The following EPB41L1 variants were observed in gnomAD, a reference collection of about 807,000 sequenced individuals.
The protein encoded by EPB41L1 is band 4.1-like protein 1.
A neutral mutation model predicts 97.8 loss-of-function variants in EPB41L1; 29 were observed. That is an observed-to-expected ratio of 0.30 (90% CI 0.22 to 0.40). The LOEUF (loss-of-function observed/expected upper bound fraction) is 0.40. EPB41L1 is among the 10% of genes least tolerant of loss of function. The pLI is 1.00. For missense variants in EPB41L1, 812 were observed against 1,162.3 expected (o/e 0.70, Z 4.38); for synonymous variants, 383 against 459.2 (o/e 0.83, Z 2.12).
intron 1 of EPB41L1, among the ~76,000 whole-genome samples, chr20:36,099,100 C>A (rs910561830): frequency 6.6e-6 from 1 of 152,056 alleles, no homozygotes; most frequent in Non-Finnish European, 1.5e-5. Context: ...ACCTGGGAGG[C>A]GGACATTGCA....
chr20:36,154,864 C>G lies in EPB41L1; in HGVS notation c.-47C>G, dbSNP rs1463501586. ...GGAGCCGAGGGGGCCGCCCCTCGCC[C>G]AACCTGCCCGACATGGGGAACCCCG... On this transcript the variant is annotated 5_prime_UTR_variant, in exon 1 of 22. Coordinates refer to ENST00000338074, the MANE Select transcript of EPB41L1 (RefSeq NM_012156.2). The surrounding 1 kb of genome is among the most constrained non-coding windows in gnomAD (Gnocchi z 5.5). 11 of 1,015,520 alleles carry G rather than the reference C, an allele frequency of 1.1e-5. No individual in the cohort carries two copies. Among genetic ancestry groups the G allele is most frequent in the Non-Finnish European group, 1.3e-5 (11 of 848,402 alleles). The allele number at this position is 1,015,520 out of a possible 1,614,324, so 62.9% of individuals were successfully genotyped here.
chr20:36,223,201 T>C (rs1319027414), intron 21 of EPB41L1, among the ~76,000 whole-genome samples: 1 of 152,174 alleles, frequency 6.6e-6, no homozygotes, highest in African/African-American at 2.4e-5. Flanking sequence ...CCCAGCCTAA[T>C]TTTTATATTT....
chr20:36,214,492 A>G (rs1402240592), intron 17 of EPB41L1, 52 bp downstream of exon 17: 2 of 1,460,798 alleles, frequency 1.4e-6, no homozygotes, highest in Admixed American at 3.6e-5. Flanking sequence ...TGCCCCACCA[A>G]ACAGCCAGAG....
At chr20:36,177,828 C>G (rs1354096859) in intron 3 of EPB41L1, 124 bp from the exon 4 acceptor site, 2 of 780,866 alleles carry the variant, frequency 2.6e-6, no homozygotes, top group Non-Finnish European at 4.4e-6. Flanking sequence ...AGGAGCGCTG[C>G]ATTCCTGTCC....
chr20:36,143,408 T>A (rs1481687080), intron 2 of EPB41L1, among the ~76,000 whole-genome samples: 1 of 151,986 alleles, frequency 6.6e-6, no homozygotes, highest in Admixed American at 6.6e-5. Context: ...AGAGGCAATA[T>A]GACAAGGGTG....
At chr20:36,219,048 C>G in intron 18 of EPB41L1, 86 bp downstream of exon 18, 1 of 1,422,460 alleles carries the variant, frequency 7.0e-7, no homozygotes, top group Admixed American at 1.9e-5. Flanking sequence ...GGAAGTGCAG[C>G]GTTGAGCCCA....
intron 1 of EPB41L1, chr20:36,110,653 A>ACACACACG (rs1424612599): frequency 3.3e-5 from 5 of 153,240 alleles, no homozygotes; most frequent in African/African-American, 2.4e-5. Context: ...ACACACACAC[A>ACACACACG]CACACACACC....
chr20:36,181,810 C>A (rs2061481614), intron 5 of EPB41L1, among the ~76,000 whole-genome samples: 1 of 152,144 alleles, frequency 6.6e-6, no homozygotes, highest in African/African-American at 2.4e-5. Context: ...TTATCATTAA[C>A]ATCCTGCAAC....
At position 36,190,753 on chromosome 20, in the gene EPB41L1, G is replaced by A; in HGVS notation, c.1256G>A (p.Arg419His). 2 of 1,614,160 alleles carry A rather than the reference G, an allele frequency of 1.2e-6. No homozygotes were observed. The highest frequency in any genetic ancestry group is 1.7e-6 in the Non-Finnish European group (2 of 1,180,034). Residue 419 changes from arginine (R) to histidine (H), a missense_variant, in exon 11 of 22, where the codon CGT (arginine) becomes CAT (histidine). Transcript: ENST00000338074. This position sits in a 1 kb window ranked among gnomAD's most constrained non-coding sequence, Gnocchi z 5.8. Reference sequence around the variant, plus strand: ...GACCGGCCTGCACCCTTCTTTGAGCGTTCTTCCAGCAAACGGTACACCATG... The same window carrying A: ...GACCGGCCTGCACCCTTCTTTGAGCATTCTTCCAGCAAACGGTACACCATG... ...LIDRPAPFFE[R>H]SSSKRYTMSR...
intron 2 of EPB41L1, among the ~76,000 whole-genome samples, chr20:36,145,346 C>T (rs1284904726): frequency 2.1e-5 from 3 of 146,234 alleles, no homozygotes; most frequent in Middle Eastern, 6.7e-3. Context: ...GCTGAGATTG[C>T]GATCACACCA....
At chr20:36,103,961 C>T (rs980635772) in intron 1 of EPB41L1, among the ~76,000 whole-genome samples, 1 of 152,118 alleles carries the variant, frequency 6.6e-6, no homozygotes, top group Admixed American at 6.6e-5. Context: ...GCCTCGGCCT[C>T]CCAAAGTGCT....
At chr20:36,129,950 T>G (rs1415015141) in intron 2 of EPB41L1, among the ~76,000 whole-genome samples, 2 of 150,066 alleles carry the variant, frequency 1.3e-5, no homozygotes, top group African/African-American at 4.9e-5. Context: ...TTTTTTTGTT[T>G]TTTTTTTTTG....
intron 1 of EPB41L1, chr20:36,110,621 T>G (rs2058367081): frequency 1.3e-5 from 1 of 79,716 alleles, no homozygotes; most frequent in Non-Finnish European, 2.3e-5. Context: ...TCAGTTTGCT[T>G]TACACACACA....
intron 2 of EPB41L1, chr20:36,125,562 T>A (rs2058929920): frequency 6.5e-7 from 1 of 1,534,436 alleles, no homozygotes; most frequent in African/African-American, 1.4e-5. Flanking sequence ...AGTGGGGGAT[T>A]CAGAAAGGTA....
At chr20:36,108,131 A>G (rs2058261566) in intron 1 of EPB41L1, among the ~76,000 whole-genome samples, 1 of 151,688 alleles carries the variant, frequency 6.6e-6, no homozygotes, top group African/African-American at 2.4e-5. Context: ...GGAATGTGTC[A>G]CCTCACCCAG....
chr20:36,183,703 G>A (rs768915796), intron 6 of EPB41L1, among the ~76,000 whole-genome samples: 3 of 152,196 alleles, frequency 2.0e-5, no homozygotes, highest in Admixed American at 6.5e-5. Context: ...ATGACAAATT[G>A]ATTGAAATGA....
At chr20:36,218,264 C>G (rs1249620538) in intron 17 of EPB41L1, among the ~76,000 whole-genome samples, 1 of 152,124 alleles carries the variant, frequency 6.6e-6, no homozygotes, top group African/African-American at 2.4e-5. Flanking sequence ...AAAAATAATG[C>G]CCAACTGGTG....
chr20:36,138,963 CAAG>C (rs1261996730), intron 2 of EPB41L1, among the ~76,000 whole-genome samples: 2 of 152,166 alleles, frequency 1.3e-5, no homozygotes, highest in Non-Finnish European at 2.9e-5. Context: ...CTTTGACTGC[CAAG>C]AAGTTTTGTG....
rs1695927037 is a variant in EPB41L1, at chr20:36,175,119, C to A, written c.178-432C>A. 2.0e-5 allele frequency among the ~76,000 whole-genome samples: 3 copies of A among 152,154 alleles called. No individual in the cohort carries two copies. The South Asian group carries it at 6.2e-4, about 32-fold the overall frequency. ...CGGGGCGGGCGGCGGTGGGGCAGGT[C>A]TCTGGCCTTTCTCCTCTCCTTTAAC... On this transcript the variant is annotated intron_variant, in intron 2 of 21. Transcript: ENST00000338074.
Sources: allele counts gnomAD v4.1 joint callset (sites outside exome capture counted in the v4.1 genomes callset), GRCh38; gene constraint gnomAD v4.1.1; non-coding constraint Gnocchi (gnomAD v3.1); transcripts MANE v1.5; gene names NCBI Gene and HGNC (gene_info 2026-07-23, HGNC 2026-07-21).